The following SPECC1 variants were observed in gnomAD, a reference collection of about 807,000 sequenced individuals.
The protein encoded by SPECC1 is cytospin-B.
A neutral mutation model predicts 104.1 loss-of-function variants in SPECC1; 62 were observed. The observed-to-expected ratio is 0.60, with a 90% CI of 0.49 to 0.74. The LOEUF (loss-of-function observed/expected upper bound fraction) is 0.74. SPECC1 is among the 30% of genes least tolerant of loss of function. The pLI is 0.00. For synonymous variants in SPECC1, 513 were observed against 501.6 expected (o/e 1.02, Z -0.30); for missense variants, 1,306 against 1,310.5 (o/e 1.00, Z 0.05).
chr17:20,092,925 A>T (rs913491843), intron 1 of SPECC1, among the ~76,000 whole-genome samples: 27 of 152,202 alleles, frequency 1.8e-4, no homozygotes, highest in Non-Finnish European at 3.4e-4. Flanking sequence ...AGCAAAGATT[A>T]TTCAGAGAGG....
At position 20,121,273 on chromosome 17, in the gene SPECC1, G is replaced by T. The variant is rs1597754781; in HGVS notation, c.283+10711G>T. The stretch of plus-strand genomic sequence containing the variant: ...TTTTTCTCTCCCGTGCCCACCACAG[G>T]TTTCCATATGGAACATCCACTTTTT... On this transcript the variant is annotated intron_variant, in intron 3 of 14. Transcript: ENST00000395527. Among the ~76,000 whole-genome samples, 3 of 151,976 alleles carry T rather than the reference G, an allele frequency of 2.0e-5. No individual in the cohort carries two copies. In the East Asian group the frequency reaches 5.8e-4, roughly 29 times the overall value.
rs140356215 is a variant in SPECC1 at position 20,205,110 on chromosome 17, A to T, written c.1061A>T (p.Lys354Met). The T allele has an allele frequency of 1.4e-4, 233 of 1,614,190 alleles. No homozygotes were observed. The East Asian group carries it at 3.6e-3, about 25-fold the overall frequency. Residue 354 changes from lysine (K) to methionine (M), a missense_variant, in exon 4 of 15, where the codon AAG becomes ATG. Around this residue, in one of 2 missense-constraint regions of SPECC1, gnomAD observed 1,177 missense variants for 1,139.9 expected, o/e 1.03. Coordinates refer to ENST00000395527, the MANE Select transcript of SPECC1 (RefSeq NM_001243439.2). ...SSTSNPFKSS[K>M]CSTAGSSPNS... ...ACCAGTAACCCCTTTAAGAGTTCAA[A>T]GTGTTCTACTGCTGGGAGTTCCCCA...
chr17:20,097,063 G>A (rs1295477078), intron 2 of SPECC1, among the ~76,000 whole-genome samples: 2 of 152,158 alleles, frequency 1.3e-5, no homozygotes, highest in Admixed American at 1.3e-4. Context: ...TGGACATCCC[G>A]GCAGTTTTGC....
chr17:20,099,758 G>A (rs981868809), intron 2 of SPECC1, among the ~76,000 whole-genome samples: 21 of 148,112 alleles, frequency 1.4e-4, no homozygotes, highest in Non-Finnish European at 2.5e-4. Flanking sequence ...AAGAAGCATA[G>A]GAATGTTTCT....
intron 3 of SPECC1, among the ~76,000 whole-genome samples, chr17:20,194,228 C>T (rs906668879): frequency 1.3e-5 from 2 of 152,154 alleles, no homozygotes; most frequent in South Asian, 4.1e-4. Context: ...TTTGTACCCT[C>T]AAATACCTAT....
At chr17:20,114,071 G>T (rs1305298281) in intron 3 of SPECC1, among the ~76,000 whole-genome samples, 1 of 152,110 alleles carries the variant, frequency 6.6e-6, no homozygotes, top group Non-Finnish European at 1.5e-5. Context: ...ACATATATTT[G>T]ATTACAGCCA....
chr17:20,282,024 T>C (rs1053307597), intron 12 of SPECC1, among the ~76,000 whole-genome samples: 2 of 152,230 alleles, frequency 1.3e-5, no homozygotes, highest in Admixed American at 6.5e-5. Flanking sequence ...GGAACTGCTG[T>C]TGGGCTGGAG....
chr17:20,176,575 A>G (rs1022066399), intron 3 of SPECC1, among the ~76,000 whole-genome samples: 1 of 152,228 alleles, frequency 6.6e-6, no homozygotes, highest in Non-Finnish European at 1.5e-5. Context: ...TTAGAAGTCT[A>G]AAGTCAAGGT....
rs549838190 is a variant in SPECC1 at position 20,060,456 on chromosome 17, G to A, written c.-21-36175G>A. Among the ~76,000 whole-genome samples the A allele has an allele frequency of 8.5e-5, 13 of 152,174 alleles. No homozygotes were observed. In the South Asian group the frequency reaches 1.7e-3, roughly 19 times the overall value. ...GAGGCCAGGAGTTCTAGACCAGCCCGGGTAACACAGTGAGACTCCGACTCT... is the reference window on the plus strand; with the variant it reads ...GAGGCCAGGAGTTCTAGACCAGCCCAGGTAACACAGTGAGACTCCGACTCT... On this transcript the variant is annotated intron_variant, in intron 1 of 14. Coordinates refer to ENST00000395527, the MANE Select transcript of SPECC1 (RefSeq NM_001243439.2).
At chr17:20,111,975 A>T in intron 3 of SPECC1, 3 of 790,512 alleles carry the variant, frequency 3.8e-6, no homozygotes, top group Non-Finnish European at 7.0e-6. Context: ...GGACTGATTG[A>T]TGATATTGCT....
intron 14 of SPECC1, among the ~76,000 whole-genome samples, chr17:20,313,107 C>T (rs1335301547): frequency 6.6e-6 from 1 of 152,166 alleles, no homozygotes. Flanking sequence ...ACAGGATGCC[C>T]ACCCTCTTGC....
intron 1 of SPECC1, among the ~76,000 whole-genome samples, chr17:20,045,452 C>G (rs1339455949): frequency 6.6e-6 from 1 of 152,158 alleles, no homozygotes; most frequent in East Asian, 1.9e-4. Context: ...ATTACTGAAA[C>G]AAAAGTTGTG....
At chr17:20,231,871 G>T (rs773615651) in intron 6 of SPECC1, 40 bp downstream of exon 6, 2 of 1,589,674 alleles carry the variant, frequency 1.3e-6, no homozygotes, top group South Asian at 2.2e-5. Flanking sequence ...ATCTTCCTAT[G>T]AATTACCCGC....
At chr17:20,195,954 G>GT (rs1330389484) in intron 3 of SPECC1, among the ~76,000 whole-genome samples, 3 of 151,908 alleles carry the variant, frequency 2.0e-5, no homozygotes, top group African/African-American at 7.3e-5. Flanking sequence ...TTTAGCCAAT[G>GT]TCCACACACT....
At chr17:20,167,229 A>G (rs1484112790) in intron 3 of SPECC1, among the ~76,000 whole-genome samples, 3 of 148,746 alleles carry the variant, frequency 2.0e-5, no homozygotes, top group Non-Finnish European at 4.5e-5. Context: ...TATATAATGT[A>G]TATAATCAGG....
At chr17:20,127,227 A>G (rs1269861570) in intron 3 of SPECC1, among the ~76,000 whole-genome samples, 1 of 152,156 alleles carries the variant, frequency 6.6e-6, no homozygotes, top group Non-Finnish European at 1.5e-5. Flanking sequence ...ATTTTTTTGA[A>G]ATCTCCCATT....
chr17:20,259,932 G>A (rs1598099598), intron 11 of SPECC1, among the ~76,000 whole-genome samples: 1 of 152,136 alleles, frequency 6.6e-6, no homozygotes, highest in Non-Finnish European at 1.5e-5. Context: ...AAGACTAGAT[G>A]GATGAGCAAC....
chr17:20,095,645 C>T (rs4925084), intron 1 of SPECC1: 41,057 of 152,192 alleles, frequency 0.27, 6,374 homozygotes, highest in Middle Eastern at 0.41. Flanking sequence ...TGGCCGCCAT[C>T]CCCCGGGGGC....
At chr17:20,044,946 T>C (rs1184723475) in intron 1 of SPECC1, among the ~76,000 whole-genome samples, 2 of 152,268 alleles carry the variant, frequency 1.3e-5, no homozygotes, top group Non-Finnish European at 2.9e-5. Context: ...TGTGTGTTTA[T>C]GATGAATAAG....
Sources: gnomAD v4.1 joint callset for allele counts (sites outside exome capture counted in the v4.1 genomes callset) on GRCh38, gnomAD v4.1.1 for gene constraint, gnomAD v4.1.1 regional missense constraint, MANE v1.5 for transcripts, NCBI Gene and HGNC (gene_info 2026-07-23, HGNC 2026-07-21) for gene names.